Variants in ZHX3 observed in about 807,000 individuals in gnomAD.
ZHX3 encodes the protein zinc fingers and homeoboxes 3, also known as zinc fingers and homeoboxes protein 3.
Under a neutral mutation model 64.5 loss-of-function variants are expected in ZHX3, and 20 were observed. That is an observed-to-expected ratio of 0.31 (90% CI 0.22 to 0.45). The LOEUF (loss-of-function observed/expected upper bound fraction) is 0.45. Among genes scored for constraint, ZHX3 ranks in the 20% least tolerant of loss-of-function variants. The pLI is 1.00. For synonymous variants in ZHX3, 423 were observed against 461.6 expected (o/e 0.92, Z 1.07); for missense variants, 1,041 against 1,195.8 (o/e 0.87, Z 1.91).
intron 2 of ZHX3, among the ~76,000 whole-genome samples, chr20:41,251,644 C>T (rs2146510875): frequency 6.6e-6 from 1 of 152,056 alleles, no homozygotes; most frequent in South Asian, 2.1e-4. Flanking sequence ...AAAATACAAC[C>T]CAACTATATG....
At chr20:41,303,357 G>A (rs1014227626) in intron 1 of ZHX3, among the ~76,000 whole-genome samples, 1 of 152,174 alleles carries the variant, frequency 6.6e-6, no homozygotes. Context: ...GGAGGTCTTC[G>A]TAAATATCAG....
Position 41,255,435 on chromosome 20 carries a change from G to C in ZHX3, c.-151+13555C>G, listed in dbSNP as rs546141818. 3.9e-5 allele frequency among the ~76,000 whole-genome samples: 6 copies of C among 152,314 alleles called. No homozygotes were observed. In the East Asian group the frequency reaches 1.2e-3, roughly 29 times the overall value. On this transcript the variant is annotated intron_variant, in intron 2 of 3. Transcript: ENST00000683867. ...CAAAGTGCTGGGATTACAGGCGTGA[G>C]CTACCACGCCCGGCAAAGGATCAAC... is the stretch of plus-strand genomic sequence containing the variant.
rs575499805 is a variant in ZHX3, at chr20:41,224,058, A to T, written c.-150-18992T>A. On this transcript the variant is annotated intron_variant, in intron 2 of 3. Coordinates refer to ENST00000683867, the MANE Select transcript of ZHX3 (RefSeq NM_001384317.1). The surrounding 1 kb of genome is among the most constrained non-coding windows in gnomAD (Gnocchi z 5.2). ...TAGAGATATCCAATATACAAAACAA[A>T]AAATAAATAAATAAAAGAACAAGCA... Among the ~76,000 whole-genome samples the T allele has an allele frequency of 6.6e-6, 1 of 152,326 alleles. No homozygotes were observed. The highest frequency in any genetic ancestry group is 2.1e-4 in the South Asian group (1 of 4,826).
At position 41,226,387 on chromosome 20, in the gene ZHX3, CT is replaced by C. The variant is rs1336692120; in HGVS notation, c.-150-21322del. Among the ~76,000 whole-genome samples the C allele has an allele frequency of 6.6e-6, 1 of 152,066 alleles. No individual in the cohort carries two copies. The highest frequency in any genetic ancestry group is 6.6e-5 in the Admixed American group (1 of 15,254). Reference sequence around the variant, plus strand: ...AAAAGAATTTCCTTTCATTTTAAGGCTAAGTAATATTCCATGATATGTATAT... The same window carrying C: ...AAAAGAATTTCCTTTCATTTTAAGGCAAGTAATATTCCATGATATGTATAT... On this transcript the variant is annotated intron_variant, in intron 2 of 3. Coordinates refer to ENST00000683867, the MANE Select transcript of ZHX3 (RefSeq NM_001384317.1). The surrounding 1 kb of genome is among the most constrained non-coding windows in gnomAD (Gnocchi z 4.4).
intron 2 of ZHX3, among the ~76,000 whole-genome samples, chr20:41,238,995 T>C (rs1486936311): frequency 1.1e-4 from 15 of 130,442 alleles, no homozygotes; most frequent in East Asian, 8.7e-4. Context: ...TCTCTCTCTT[T>C]TTTTTTTTTT....
intron 1 of ZHX3, among the ~76,000 whole-genome samples, chr20:41,296,783 G>T (rs1394221629): frequency 6.6e-6 from 1 of 152,196 alleles, no homozygotes; most frequent in Non-Finnish European, 1.5e-5. Flanking sequence ...AGGGAGAAGC[G>T]AGGGAGGGAA....
intron 2 of ZHX3, among the ~76,000 whole-genome samples, chr20:41,222,738 T>G (rs2040025384): frequency 6.6e-6 from 1 of 152,220 alleles, no homozygotes; most frequent in South Asian, 2.1e-4. Flanking sequence ...AATTACTTTA[T>G]TAAATTTAAA....
chr20:41,308,627 G>A (rs777836853), intron 1 of ZHX3, among the ~76,000 whole-genome samples: 4 of 152,284 alleles, frequency 2.6e-5, no homozygotes, highest in East Asian at 1.9e-4. Context: ...CAGGGGGAGT[G>A]TAAGTGGTCA....
At chr20:41,315,190 T>C (rs2045250526) in intron 1 of ZHX3, among the ~76,000 whole-genome samples, 1 of 152,010 alleles carries the variant, frequency 6.6e-6, no homozygotes, top group Non-Finnish European at 1.5e-5. Context: ...TGGAGTATGC[T>C]TGACTTTTTT....
At chr20:41,281,533 G>A (rs563757123) in intron 1 of ZHX3, among the ~76,000 whole-genome samples, 22 of 152,270 alleles carry the variant, frequency 1.4e-4, no homozygotes, top group African/African-American at 4.8e-4. Flanking sequence ...GAAAATTAAT[G>A]AAAAACTTTG....
chr20:41,267,067 G>A (rs976870899), intron 2 of ZHX3, among the ~76,000 whole-genome samples: 1 of 150,348 alleles, frequency 6.7e-6, no homozygotes. Context: ...GGCTGGTCTT[G>A]AACTCCTGAC....
chr20:41,204,071 G>A lies in ZHX3; in HGVS notation c.846C>T (p.Ala282=). ...GCAGTGGCTGGTGGACATGGTGTTG[G>A]GCATGCACTGGGGGCTGCTGCTGGA... ...LSLQQQPPVH[A]QHHVHQPLPT... is the part of the protein sequence containing the mutation. The change falls in exon 3 of 4, where the codon GCC becomes GCT. Residue 282 remains alanine (A), a synonymous_variant. Transcript: ENST00000683867. The surrounding 1 kb of genome is among the most constrained non-coding windows in gnomAD (Gnocchi z 6.6). 2 of 1,611,876 alleles carry A rather than the reference G, an allele frequency of 1.2e-6. No homozygotes were observed. Among genetic ancestry groups the A allele is most frequent in the Non-Finnish European group, 1.7e-6 (2 of 1,178,714 alleles).
chr20:41,254,860 A>C (rs766209109), intron 2 of ZHX3, among the ~76,000 whole-genome samples: 1 of 152,154 alleles, frequency 6.6e-6, no homozygotes, highest in Non-Finnish European at 1.5e-5. Flanking sequence ...AGGAGACAAG[A>C]AAGCAACGTC....
chr20:41,287,281 C>T (rs570623831), intron 1 of ZHX3, among the ~76,000 whole-genome samples: 2 of 152,298 alleles, frequency 1.3e-5, no homozygotes, highest in African/African-American at 4.8e-5. Flanking sequence ...AGCAGTCAGA[C>T]TCCCATTCTA....
At chr20:41,263,815 T>C (rs2146581564) in intron 2 of ZHX3, among the ~76,000 whole-genome samples, 1 of 152,324 alleles carries the variant, frequency 6.6e-6, no homozygotes, top group African/African-American at 2.4e-5. Flanking sequence ...GGGAGCTATT[T>C]GGCCAAGGAA....
intron 1 of ZHX3, among the ~76,000 whole-genome samples, chr20:41,277,810 C>A (rs960371731): frequency 7.3e-6 from 1 of 136,994 alleles, no homozygotes; most frequent in South Asian, 2.6e-4. Flanking sequence ...CCAGGATGGT[C>A]TCGATCTCCT....
At chr20:41,255,353 A>C (rs1162593590) in intron 2 of ZHX3, among the ~76,000 whole-genome samples, 2 of 152,060 alleles carry the variant, frequency 1.3e-5, no homozygotes, top group African/African-American at 4.8e-5. Flanking sequence ...GGGTTTCACC[A>C]TGTTAACCAG....
intron 2 of ZHX3, among the ~76,000 whole-genome samples, chr20:41,222,376 G>T (rs1453753652): frequency 1.3e-5 from 2 of 152,202 alleles, no homozygotes; most frequent in Non-Finnish European, 2.9e-5. Flanking sequence ...AAAAAGCAAA[G>T]CAAATCTGTG....
chr20:41,270,092 A>G (rs1434541376), intron 1 of ZHX3, among the ~76,000 whole-genome samples: 8 of 152,230 alleles, frequency 5.3e-5, no homozygotes, highest in African/African-American at 1.9e-4. Context: ...AATTACCTAA[A>G]GAAAAGCATT....
Sources: gnomAD v4.1 joint callset for allele counts (sites outside exome capture counted in the v4.1 genomes callset) on GRCh38, gnomAD v4.1.1 for gene constraint, Gnocchi (gnomAD v3.1) non-coding constraint, MANE v1.5 for transcripts, NCBI Gene and HGNC (gene_info 2026-07-23, HGNC 2026-07-21) for gene names.